The following INTS3 variants were observed in gnomAD, a reference collection of about 807,000 sequenced individuals.
INTS3 encodes SOSS complex subunit A.
In INTS3, 34 loss-of-function variants were observed where a neutral mutation model predicts 146.3. The observed-to-expected ratio is 0.23, with a 90% CI of 0.18 to 0.31. INTS3 has a LOEUF of 0.31. INTS3 is among the 10% of genes least tolerant of loss of function. The probability of loss-of-function intolerance (pLI) is 1.00; values close to 1 mark genes in which losing one functional copy is unlikely to be tolerated. For synonymous variants in INTS3, 475 were observed against 494.9 expected (o/e 0.96, Z 0.53); for missense variants, 757 against 1,304.2 (o/e 0.58, Z 6.46).
intron 9 of INTS3, among the ~76,000 whole-genome samples, chr1:153,755,549 T>C (rs1170568773): frequency 2.0e-5 from 3 of 152,064 alleles, no homozygotes; most frequent in African/African-American, 7.2e-5. Flanking sequence ...CGTGAGCCAC[T>C]GCACCCAGCC....
At chr1:153,744,449 A>C (rs1345317567) in intron 3 of INTS3, among the ~76,000 whole-genome samples, 1 of 152,160 alleles carries the variant, frequency 6.6e-6, no homozygotes, top group Admixed American at 6.5e-5. Flanking sequence ...GGACTTAACT[A>C]TCAATATTTG....
intron 22 of INTS3, 82 bp downstream of exon 22, chr1:153,769,043 G>T: frequency 8.8e-7 from 1 of 1,141,484 alleles, no homozygotes; most frequent in Non-Finnish European, 1.3e-6. Context: ...CTCCAGGCCT[G>T]CAGACAGGGA....
Position 153,747,007 on chromosome 1 carries a change from G to C in INTS3, c.369G>C (p.Leu123=). The C allele has an allele frequency of 6.2e-7, 1 of 1,613,976 alleles. No homozygotes were observed. Among genetic ancestry groups the C allele is most frequent in the African/African-American group, 1.3e-5 (1 of 75,000 alleles). Residue 123 remains leucine (L), a synonymous_variant, in exon 4 of 30, where the codon CTG becomes CTC. Coordinates refer to ENST00000318967, the MANE Select transcript of INTS3 (RefSeq NM_023015.5). The stretch of plus-strand genomic sequence containing the variant: ...GTCGTGATGGCATGAATATTGTCCT[G>C]AATAAAATCAACCAGATACTTATGG... ...LVSRDGMNIV[L]NKINQILMEK... is the part of the protein sequence containing the mutation.
intron 16 of INTS3, 56 bp downstream of exon 16, chr1:153,763,418 G>A (rs781173529): frequency 2.0e-4 from 316 of 1,589,668 alleles, no homozygotes; most frequent in Non-Finnish European, 2.6e-4. Context: ...CTCTCTACCT[G>A]GTGCTTAATG....
At chr1:153,756,058 AAGTT>A (rs1352729124) in intron 9 of INTS3, among the ~76,000 whole-genome samples, 1 of 150,468 alleles carries the variant, frequency 6.6e-6, no homozygotes, top group African/African-American at 2.5e-5. Flanking sequence ...TATATATATT[AAGTT>A]AGTTAAAATG....
At position 153,770,239 on chromosome 1, in the gene INTS3, T is replaced by G; in HGVS notation, c.2431T>G (p.Trp811Gly). ...DWETFEQYCA[W>G]QLFLAHNIPL... is the part of the protein sequence containing the mutation. ...GGAGACCTTTGAGCAGTATTGTGCC[T>G]GGCAGCTCTTTCTGGCCCACAATAT... Residue 811 changes from tryptophan (W) to glycine (G), a missense_variant, in exon 24 of 30, where the codon TGG (tryptophan) becomes GGG (glycine). Transcript: ENST00000318967. The G allele has an allele frequency of 6.2e-7, 1 of 1,613,480 alleles. No homozygotes were observed. The highest frequency in any genetic ancestry group is 8.5e-7 in the Non-Finnish European group (1 of 1,179,660).
chr1:153,754,691 T>G lies in INTS3; in HGVS notation c.909T>G (p.Cys303Trp). The G allele has an allele frequency of 6.2e-7, 1 of 1,613,770 alleles. No individual in the cohort carries two copies. The highest frequency in any genetic ancestry group is 8.5e-7 in the Non-Finnish European group (1 of 1,179,624). ...QSRTSRKFLACRLTPDMETKL... is the reference protein window; with the variant it reads ...QSRTSRKFLAWRLTPDMETKL... The stretch of plus-strand genomic sequence containing the variant: ...GAACATCCCGAAAATTCCTAGCATG[T>G]CGTCTAACCCCGGACATGGAGACTA... Residue 303 changes from cysteine to tryptophan, a missense_variant, in exon 9 of 30, where the codon TGT becomes TGG. By Grantham distance (215) the Cys-to-Trp change is radical. Around this residue, in one of 8 missense-constraint regions of INTS3, gnomAD observed 134 missense variants for 243.1 expected, o/e 0.55. Transcript: ENST00000318967.
At chr1:153,765,332 C>T (rs888421695) in intron 20 of INTS3, among the ~76,000 whole-genome samples, 11 of 152,116 alleles carry the variant, frequency 7.2e-5, no homozygotes, top group African/African-American at 2.7e-4. Context: ...ACTACACAGG[C>T]ATGCACTACC....
At position 153,773,050 on chromosome 1, in the gene INTS3, C is replaced by T. The variant is rs751013284; in HGVS notation, c.3020C>T (p.Ala1007Val). The T allele has an allele frequency of 2.5e-6, 4 of 1,614,164 alleles. No homozygotes were observed. Among genetic ancestry groups the T allele is most frequent in the Non-Finnish European group, 2.5e-6 (3 of 1,180,038 alleles). ...SRKNATQPPN[A>V]EEESGSSSAS... ...AAGAATGCCACACAGCCCCCCAATGCCGAAGAAGAGTCGGGCTCCAGCAGT... is the reference window on the plus strand; with the variant it reads ...AAGAATGCCACACAGCCCCCCAATGTCGAAGAAGAGTCGGGCTCCAGCAGT... The change falls in exon 29 of 30, where the codon GCC (alanine) becomes GTC (valine). Residue 1007 changes from alanine (A) to valine (V), a missense_variant. Physicochemically the swap from Ala to Val is moderately conservative, Grantham distance 64. Coordinates refer to ENST00000318967, the MANE Select transcript of INTS3 (RefSeq NM_023015.5).
chr1:153,746,584 G>A (rs1399115342), intron 3 of INTS3, among the ~76,000 whole-genome samples: 1 of 152,192 alleles, frequency 6.6e-6, no homozygotes, highest in Non-Finnish European at 1.5e-5. Context: ...TGTATTTTTA[G>A]TAGAGACGGG....
chr1:153,759,445 C>T (rs1211403437), intron 10 of INTS3, 81 bp from the exon 11 acceptor site: 11 of 910,558 alleles, frequency 1.2e-5, no homozygotes, highest in Non-Finnish European at 1.8e-5. Flanking sequence ...CCAAGTGGGG[C>T]CTGGAATCTG....
chr1:153,752,536 C>A, intron 8 of INTS3, 128 bp downstream of exon 8: 2 of 945,430 alleles, frequency 2.1e-6, no homozygotes, highest in Non-Finnish European at 3.2e-6. Context: ...AAGCCTGGGA[C>A]AGGGCAAGCT....
intron 3 of INTS3, among the ~76,000 whole-genome samples, chr1:153,741,742 T>A (rs1221826136): frequency 2.0e-5 from 3 of 152,264 alleles, no homozygotes; most frequent in Non-Finnish European, 4.4e-5. Context: ...ATTCTGCCAT[T>A]GGCAGGTGAA....
At chr1:153,758,997 T>G (rs1367535170) in intron 10 of INTS3, among the ~76,000 whole-genome samples, 1 of 151,376 alleles carries the variant, frequency 6.6e-6, no homozygotes, top group Non-Finnish European at 1.5e-5. Context: ...GCTCCTGTAG[T>G]CCCAGCTACC....
intron 1 of INTS3, among the ~76,000 whole-genome samples, chr1:153,732,901 T>G (rs1384193616): frequency 6.6e-6 from 1 of 151,940 alleles, no homozygotes; most frequent in East Asian, 1.9e-4. Flanking sequence ...CTTCCCAGAT[T>G]CAAGCGATTT....
chr1:153,730,479 A>G (rs1184646597), intron 1 of INTS3, among the ~76,000 whole-genome samples: 1 of 152,168 alleles, frequency 6.6e-6, no homozygotes, highest in Non-Finnish European at 1.5e-5. Flanking sequence ...TCCCTCCATC[A>G]GTTTGAGTGG....
chr1:153,728,362 G>T lies in INTS3; in HGVS notation c.-273G>T. On this transcript the variant is annotated 5_prime_UTR_variant, in exon 1 of 30. It adds an upstream start codon to the 5' untranslated region. Coordinates refer to ENST00000318967, the MANE Select transcript of INTS3 (RefSeq NM_023015.5). ...GGAAGCCTCTCCTACCCTTCCCATA[G>T]GGACACAGGCCTTTACCCCACTGTA... The T allele has an allele frequency of 2.4e-6, 1 of 424,890 alleles. No homozygotes were observed. The highest frequency in any genetic ancestry group is 6.9e-5 in the South Asian group (1 of 14,478). 26.3% of individuals were successfully genotyped at this position (424,890 alleles called of 1,614,324 possible).
At position 153,772,909 on chromosome 1, in the gene INTS3, C is replaced by A; in HGVS notation, c.2895-16C>A. On this transcript the variant is annotated splice_polypyrimidine_tract_variant and intron_variant, in intron 28 of 29. Transcript: ENST00000318967. The surrounding 1 kb of genome is among the most constrained non-coding windows in gnomAD (Gnocchi z 4.6). ...AGCAGGCTCCCACTCAAAGAGCTAC[C>A]GCTCCTTTTCCTTAGATTCAGTGAT... 6.2e-7 allele frequency: 1 copy of A among 1,613,864 alleles called. No homozygotes were observed. Among genetic ancestry groups the A allele is most frequent in the Non-Finnish European group, 8.5e-7 (1 of 1,179,854 alleles).
In INTS3 at chr1:153,773,922, G is replaced by C. The variant is rs1673020614; in HGVS notation, c.*652G>C. On this transcript the variant is annotated 3_prime_UTR_variant, in exon 30 of 30. Coordinates refer to ENST00000318967, the MANE Select transcript of INTS3 (RefSeq NM_023015.5). The stretch of plus-strand genomic sequence containing the variant: ...GAGGTTGGCACCTCAATCTACACCA[G>C]AGCCCAGGGAGTCCCAGAGGCAAGT... 1 of 167,076 alleles carries C rather than the reference G, an allele frequency of 6.0e-6. No homozygotes were observed. Among genetic ancestry groups the C allele is most frequent in the African/African-American group, 2.4e-5 (1 of 41,458 alleles). The allele number at this position is 167,076 out of a possible 1,614,324, so 10.3% of individuals were successfully genotyped here.
Sources: allele counts gnomAD v4.1 joint callset (sites outside exome capture counted in the v4.1 genomes callset), GRCh38; gene constraint gnomAD v4.1.1; regional missense constraint gnomAD v4.1.1; non-coding constraint Gnocchi (gnomAD v3.1); transcripts MANE v1.5; gene names NCBI Gene and HGNC (gene_info 2026-07-23, HGNC 2026-07-21).